Variants in VEZT observed in about 807,000 individuals in gnomAD.
VEZT encodes the protein vezatin, adherens junctions transmembrane protein, also known as vezatin.
A neutral mutation model predicts 79.9 loss-of-function variants in VEZT; 39 were observed. The ratio of observed to expected loss-of-function variants is 0.49; its 90% CI spans 0.38 to 0.64. VEZT has a LOEUF of 0.64. Ranked by LOEUF, VEZT falls within the 30% of genes least tolerant of loss-of-function variation. The pLI is 0.00. For synonymous variants in VEZT, 325 were observed against 327.6 expected (o/e 0.99, Z 0.09); for missense variants, 837 against 893.1 (o/e 0.94, Z 0.80).
Position 95,287,731 on chromosome 12 carries a change from G to A in VEZT, c.1396G>A (p.Glu466Lys), listed in dbSNP as rs1403921139. The A allele has an allele frequency of 3.7e-6, 6 of 1,600,034 alleles. No individual in the cohort carries two copies. The highest frequency in any genetic ancestry group is 5.1e-6 in the Non-Finnish European group (6 of 1,172,442). Residue 466 changes from glutamate (E) to lysine (K), a missense_variant, in exon 9 of 12, where the codon GAG becomes AAG. Transcript: ENST00000436874. ...CTKETQELVSEAYPILEQKLK... is the reference protein window; with the variant it reads ...CTKETQELVSKAYPILEQKLK... Reference sequence around the variant, plus strand: ...TAAAGAAACACAAGAACTAGTGTCAGAGGCTTATCCCATCCTAGAACAGAA... The same window carrying A: ...TAAAGAAACACAAGAACTAGTGTCAAAGGCTTATCCCATCCTAGAACAGAA...
rs1183306306 is a variant in VEZT, at chr12:95,296,467, T to TA, written c.1831+210dup. On this transcript the variant is annotated intron_variant, in intron 11 of 11. Transcript: ENST00000436874. Reference sequence around the variant, plus strand: ...TTGGAAATATGAAGTCATACTTTTTTATGAGTTATTTAATTTTTTAGTAAA... The same window carrying TA: ...TTGGAAATATGAAGTCATACTTTTTTAATGAGTTATTTAATTTTTTAGTAAA... 3 of 370,416 alleles carry TA rather than the reference T, an allele frequency of 8.1e-6. No homozygotes were observed. The East Asian group carries it at 1.3e-4, about 16-fold the overall frequency. The allele number at this position is 370,416 out of a possible 1,614,324, so 22.9% of individuals were successfully genotyped here.
chr12:95,259,191 G>GTTTTTTT (rs71078691), intron 3 of VEZT, among the ~76,000 whole-genome samples: 3 of 147,622 alleles, frequency 2.0e-5, no homozygotes, highest in Admixed American at 6.8e-5. Context: ...AATACTTTCT[G>GTTTTTTT]TTTTTTTTTT....
chr12:95,256,729 A>G, intron 2 of VEZT: 1 of 513,720 alleles, frequency 1.9e-6, no homozygotes, highest in Non-Finnish European at 3.1e-6. Context: ...GTGGAATGAA[A>G]TGGTCTTAAT....
At chr12:95,269,938 C>CA in intron 5 of VEZT, 113 bp from the exon 6 acceptor site, 1 of 1,270,548 alleles carries the variant, frequency 7.9e-7, no homozygotes, top group South Asian at 1.4e-5. Context: ...TAGTGAAGAT[C>CA]ATGAAAGAGG....
chr12:95,223,891 GT>G lies in VEZT; in HGVS notation c.36+6013del, dbSNP rs199883658. On this transcript the variant is annotated intron_variant, in intron 1 of 11. Coordinates refer to ENST00000436874, the MANE Select transcript of VEZT (RefSeq NM_017599.4). The stretch of plus-strand genomic sequence containing the variant: ...GTGTTTATTTTGCTATTTTTGTTCT[GT>G]TTTTTTTAGCTTCTTGAGTTAAAAA... Among the ~76,000 whole-genome samples the G allele has an allele frequency of 8.1e-3, 1,221 of 151,432 alleles. 7 individuals are homozygous for G. The highest frequency in any genetic ancestry group is 0.014 in the Non-Finnish European group (966 of 67,808).
In VEZT at chr12:95,296,670, C is replaced by T. The variant is rs186005323; in HGVS notation, c.1831+412C>T. ...ATTGAAAAAAATGGCCCAGGCGCAG[C>T]GGCACATGCTTGTAATATCAGCACG... On this transcript the variant is annotated intron_variant, in intron 11 of 11. Coordinates refer to ENST00000436874, the MANE Select transcript of VEZT (RefSeq NM_017599.4). The T allele has an allele frequency of 2.5e-3, 380 of 154,174 alleles. 2 individuals carry two copies. The highest frequency in any genetic ancestry group is 4.2e-3 in the Non-Finnish European group (293 of 69,538). 9.6% of individuals were successfully genotyped at this position (154,174 alleles called of 1,614,324 possible). A position where few individuals can be genotyped will look rare whatever the true frequency, so the allele number is the denominator to read the frequency against.
In VEZT at chr12:95,254,122, G is replaced by A. The variant is rs972622902; in HGVS notation, c.168+2051G>A. ...CTGCCTCCCAAGTACCTGGGACCAC[G>A]GACATGTGCCACCATGCCCAGCTAA... is the stretch of plus-strand genomic sequence containing the variant. On this transcript the variant is annotated intron_variant, in intron 2 of 11. Transcript: ENST00000436874. 1.8e-4 allele frequency among the ~76,000 whole-genome samples: 27 copies of A among 151,902 alleles called. 1 individual carries two copies. The highest frequency in any genetic ancestry group is 3.4e-3 in the Middle Eastern group (1 of 294).
chr12:95,235,545 A>AC (rs1227077590), intron 1 of VEZT, among the ~76,000 whole-genome samples: 2 of 123,280 alleles, frequency 1.6e-5, no homozygotes, highest in African/African-American at 3.1e-5. Context: ...CGGGGGGCTG[A>AC]CCCCCCGACC....
Position 95,266,741 on chromosome 12 carries a change from G to T in VEZT, c.710+109G>T, listed in dbSNP as rs187017243. On this transcript the variant is annotated intron_variant, in intron 5 of 11. Coordinates refer to ENST00000436874, the MANE Select transcript of VEZT (RefSeq NM_017599.4). ...TGTTGCATTTATAGGAAAAAAAAGT[G>T]CTTTTCTCTTTAGTACTTACTAAAG... is the stretch of plus-strand genomic sequence containing the variant. 8.4e-6 allele frequency: 10 copies of T among 1,185,182 alleles called. No individual in the cohort carries two copies. The Admixed American group carries it at 1.2e-4, about 14-fold the overall frequency. 73.4% of individuals were successfully genotyped at this position (1,185,182 alleles called of 1,614,324 possible).
At position 95,270,189 on chromosome 12, in the gene VEZT, A is replaced by G; in HGVS notation, c.848+1A>G. On this transcript the variant is annotated splice_donor_variant, in intron 6 of 11. Transcript: ENST00000436874. LOFTEE classifies it high-confidence loss of function. ...TAGCTACCCTATATATGCTGAAAAA[A>G]TATCCTTTTCTGTTTATATATGAAA... 1 of 1,596,860 alleles carries G rather than the reference A, an allele frequency of 6.3e-7. No individual in the cohort carries two copies. Among genetic ancestry groups the G allele is most frequent in the Non-Finnish European group, 8.5e-7 (1 of 1,172,234 alleles).
At chr12:95,238,350 C>T (rs1385490806) in intron 1 of VEZT, among the ~76,000 whole-genome samples, 4 of 152,056 alleles carry the variant, frequency 2.6e-5, no homozygotes, top group African/African-American at 9.7e-5. Flanking sequence ...AACTCAATGC[C>T]TAGTAAATAA....
intron 1 of VEZT, among the ~76,000 whole-genome samples, chr12:95,238,076 G>T (rs996613588): frequency 4.6e-5 from 7 of 152,126 alleles, no homozygotes; most frequent in Non-Finnish European, 1.0e-4. Flanking sequence ...GAACCTTATA[G>T]AATATATCAT....
At chr12:95,230,862 C>A (rs968647238) in intron 1 of VEZT, among the ~76,000 whole-genome samples, 2 of 152,150 alleles carry the variant, frequency 1.3e-5, no homozygotes, top group African/African-American at 4.8e-5. Flanking sequence ...AAGGGGATAT[C>A]AATCTACCAT....
At chr12:95,282,277 T>TG (rs3215007) in intron 7 of VEZT, 36 bp from the exon 8 acceptor site, 707,339 of 1,510,338 alleles carry the variant, frequency 0.47, 167,789 homozygotes, top group Middle Eastern at 0.57. Context: ...GACCAATATT[T>TG]TTATTGATCT....
In VEZT at chr12:95,286,261, G is replaced by A. The variant is rs1452977835; in HGVS notation, c.1329-1403G>A. On this transcript the variant is annotated intron_variant, in intron 8 of 11. Transcript: ENST00000436874. ...CCCGCCTTGGCCTCCCAAAGTGCTG[G>A]GATTACAGGTGTGAGCCACCGTGCC... 12 of 305,798 alleles carry A rather than the reference G, an allele frequency of 3.9e-5. No individual in the cohort carries two copies. The East Asian group carries it at 8.4e-4, about 21-fold the overall frequency. 18.9% of individuals were successfully genotyped at this position (305,798 alleles called of 1,614,324 possible).
chr12:95,217,975 G>A, intron 1 of VEZT, 89 bp downstream of exon 1: 1 of 1,359,434 alleles, frequency 7.4e-7, no homozygotes, highest in Non-Finnish European at 9.7e-7. Flanking sequence ...CCGGGGCGAG[G>A]GATCGGGTGA....
At chr12:95,264,869 C>CTTTT (rs71078693) in intron 4 of VEZT, among the ~76,000 whole-genome samples, 4,676 of 112,960 alleles carry the variant, frequency 0.041, 163 homozygotes, top group Non-Finnish European at 0.065. Flanking sequence ...CTTTTCTTTT[C>CTTTT]TTTTTTTTTT....
At chr12:95,259,686 A>G (rs1436838728) in intron 3 of VEZT, among the ~76,000 whole-genome samples, 1 of 152,194 alleles carries the variant, frequency 6.6e-6, no homozygotes, top group Non-Finnish European at 1.5e-5. Flanking sequence ...GATACCTGCT[A>G]ATATTTAAAT....
Position 95,287,849 on chromosome 12 carries a change from A to AT in VEZT, c.1515dup (p.Lys506Ter), listed in dbSNP as rs1386707092. 2 of 1,591,440 alleles carry AT rather than the reference A, an allele frequency of 1.3e-6. No individual in the cohort carries two copies. The highest frequency in any genetic ancestry group is 1.7e-6 in the Non-Finnish European group (2 of 1,168,376). ...GACAAACTGCTACGAAGAAATACAGATAAAAAAGGTACCTGTGAGAGATTT... is the reference window on the plus strand; with the variant it reads ...GACAAACTGCTACGAAGAAATACAGATTAAAAAAGGTACCTGTGAGAGATTT... On this transcript the variant is annotated frameshift_variant, in exon 9 of 12. Coordinates refer to ENST00000436874, the MANE Select transcript of VEZT (RefSeq NM_017599.4). LOFTEE classifies it high-confidence loss of function.
Sources: allele counts gnomAD v4.1 joint callset (sites outside exome capture counted in the v4.1 genomes callset), GRCh38; gene constraint gnomAD v4.1.1; transcripts MANE v1.5; gene names NCBI Gene and HGNC (gene_info 2026-07-23, HGNC 2026-07-21).